PPP1R12B: variants seen among roughly 807,000 people sequenced by gnomAD.
PPP1R12B encodes the protein myosin phosphatase target subunit 2.
Under a neutral mutation model 126.1 loss-of-function variants are expected in PPP1R12B, and 76 were observed. That is an observed-to-expected ratio of 0.60 (90% CI 0.50 to 0.73). The LOEUF (loss-of-function observed/expected upper bound fraction) is 0.73. Ranked by LOEUF, PPP1R12B falls within the 30% of genes least tolerant of loss-of-function variation. The pLI is 0.00. For synonymous variants in PPP1R12B, 356 were observed against 434.7 expected (o/e 0.82, Z 2.25); for missense variants, 1,052 against 1,205.1 (o/e 0.87, Z 1.88).
chr1:202,361,462 C>T lies in PPP1R12B; in HGVS notation c.291+12320C>T, dbSNP rs146306006. On this transcript the variant is annotated intron_variant, in intron 1 of 23. Transcript: ENST00000608999. ...ACCATACTCTTTTAAACAATCAGAT[C>T]TCCTGTGAAGAGAAGAACTCACTCA... Among the ~76,000 whole-genome samples, 657 of 152,206 alleles carry T rather than the reference C, an allele frequency of 4.3e-3. 6 individuals carry two copies. The highest frequency in any genetic ancestry group is 0.015 in the African/African-American group (630 of 41,546).
At chr1:202,390,378 T>C (rs1225770091) in intron 1 of PPP1R12B, among the ~76,000 whole-genome samples, 3 of 152,204 alleles carry the variant, frequency 2.0e-5, no homozygotes, top group Non-Finnish European at 2.9e-5. Flanking sequence ...ATTGATTGAA[T>C]TTAATGATGA....
chr1:202,530,072 T>G (rs1171786589), intron 18 of PPP1R12B, among the ~76,000 whole-genome samples: 1 of 152,234 alleles, frequency 6.6e-6, no homozygotes, highest in Admixed American at 6.5e-5. Context: ...AGAGCCCTTT[T>G]GCTACTTTTA....
chr1:202,400,885 C>A (rs748635853), intron 1 of PPP1R12B, among the ~76,000 whole-genome samples: 30 of 152,232 alleles, frequency 2.0e-4, no homozygotes, highest in Non-Finnish European at 3.8e-4. Flanking sequence ...GGCCAATGCA[C>A]TAAATCAGGG....
intron 1 of PPP1R12B, among the ~76,000 whole-genome samples, chr1:202,357,368 G>A (rs1340580269): frequency 6.6e-6 from 1 of 152,136 alleles, no homozygotes; most frequent in Non-Finnish European, 1.5e-5. Context: ...CTTTGAAAGA[G>A]CACTTTCAGT....
At chr1:202,438,456 G>T (rs1171440161) in intron 10 of PPP1R12B, 2 of 430,044 alleles carry the variant, frequency 4.7e-6, no homozygotes, top group East Asian at 1.2e-4. Flanking sequence ...GGGTCCCACC[G>T]CTTGAGGACT....
At chr1:202,460,190 C>T (rs1342091803) in intron 13 of PPP1R12B, among the ~76,000 whole-genome samples, 1 of 152,086 alleles carries the variant, frequency 6.6e-6, no homozygotes, top group African/African-American at 2.4e-5. Context: ...TCTTTCTTTT[C>T]TTTGTAGAAA....
intron 13 of PPP1R12B, among the ~76,000 whole-genome samples, chr1:202,463,656 A>G (rs1231701096): frequency 1.3e-5 from 2 of 152,216 alleles, no homozygotes; most frequent in East Asian, 3.8e-4. Context: ...TACACACTCT[A>G]CAATCAGATT....
rs568268636 is a variant in PPP1R12B at position 202,459,131 on chromosome 1, G to A, written c.1850+9960G>A. Among the ~76,000 whole-genome samples the A allele has an allele frequency of 1.1e-4, 17 of 152,282 alleles. No homozygotes were observed. In the South Asian group the frequency reaches 3.5e-3, roughly 32 times the overall value. On this transcript the variant is annotated intron_variant, in intron 13 of 23. Transcript: ENST00000608999. ...CAGTTCTTTACTCAGTTTAACTACA[G>A]ATATGTTGCTAAATGAGCAAAGCTA...
At position 202,348,939 on chromosome 1, in the gene PPP1R12B, C is replaced by G; in HGVS notation, c.88C>G (p.Leu30Val). Residue 30 changes from leucine (L) to valine (V), a missense_variant, in exon 1 of 24, where the codon CTG becomes GTG. Transcript: ENST00000608999. ...GCAGCTTCGGCGCTGGCGGGGCTCG[C>G]TGACAGAGCAGGAGCCTGCGGAGCG... ...AEQLRRWRGS[L>V]TEQEPAERRG... is the part of the protein sequence containing the mutation. 1 of 1,603,900 alleles carries G rather than the reference C, an allele frequency of 6.2e-7. No individual in the cohort carries two copies. The highest frequency in any genetic ancestry group is 8.5e-7 in the Non-Finnish European group (1 of 1,176,702).
At chr1:202,568,874 T>C (rs1688321670) in intron 22 of PPP1R12B, among the ~76,000 whole-genome samples, 1 of 152,218 alleles carries the variant, frequency 6.6e-6, no homozygotes, top group Non-Finnish European at 1.5e-5. Context: ...AGTAACTGAA[T>C]GTCTTCTTCT....
chr1:202,464,297 A>G (rs1572144169), intron 13 of PPP1R12B, among the ~76,000 whole-genome samples: 1 of 152,146 alleles, frequency 6.6e-6, no homozygotes, highest in Admixed American at 6.5e-5. Flanking sequence ...ATGATGGGTA[A>G]ATGTTTATTG....
chr1:202,462,999 T>C, intron 13 of PPP1R12B: 4 of 985,382 alleles, frequency 4.1e-6, no homozygotes, highest in Non-Finnish European at 4.8e-6. Context: ...GAGACAAGCC[T>C]CTGCCATAGT....
intron 13 of PPP1R12B, among the ~76,000 whole-genome samples, chr1:202,449,759 T>C (rs373274531): frequency 6.6e-6 from 1 of 152,114 alleles, no homozygotes. Context: ...CGATCTCAGC[T>C]CACTGCAGGC....
chr1:202,480,213 C>CA (rs1031773270), intron 13 of PPP1R12B, among the ~76,000 whole-genome samples: 15 of 151,998 alleles, frequency 9.9e-5, no homozygotes, highest in Admixed American at 1.3e-4. Context: ...ATTCTAGAAA[C>CA]AAAAAATCAC....
intron 13 of PPP1R12B, among the ~76,000 whole-genome samples, chr1:202,462,058 G>A (rs1674372519): frequency 6.6e-6 from 1 of 152,102 alleles, no homozygotes; most frequent in South Asian, 2.1e-4. Context: ...TGCAGTAGTG[G>A]ATATTTTTGA....
At chr1:202,575,320 C>A in intron 23 of PPP1R12B, 2 of 857,254 alleles carry the variant, frequency 2.3e-6, no homozygotes, top group Non-Finnish European at 3.4e-6. Context: ...TGGGACATAC[C>A]AGCCTAGGTC....
At chr1:202,500,242 T>TCTCA (rs879847981) in intron 18 of PPP1R12B, among the ~76,000 whole-genome samples, 14 of 151,776 alleles carry the variant, frequency 9.2e-5, no homozygotes, top group African/African-American at 1.5e-4. Context: ...TCTCTCTCTC[T>TCTCA]CTCACTCTCA....
At chr1:202,432,774 G>C (rs918733075) in intron 8 of PPP1R12B, among the ~76,000 whole-genome samples, 1 of 152,184 alleles carries the variant, frequency 6.6e-6, no homozygotes, top group East Asian at 1.9e-4. Context: ...GAGATGAAAT[G>C]TTTCTGCTAG....
intron 18 of PPP1R12B, among the ~76,000 whole-genome samples, chr1:202,507,341 ATTATAAAGTGCTTTGCTC>A (rs1019848278): frequency 9.2e-5 from 14 of 152,214 alleles, no homozygotes; most frequent in Non-Finnish European, 1.6e-4. Flanking sequence ...TACATATTTT[ATTATAAAGTGCTTTGCTC>A]TTTATTTCTT....
Sources: gnomAD v4.1 joint callset for allele counts (sites outside exome capture counted in the v4.1 genomes callset) on GRCh38, gnomAD v4.1.1 for gene constraint, MANE v1.5 for transcripts, NCBI Gene and HGNC (gene_info 2026-07-23, HGNC 2026-07-21) for gene names.